The following EEF1AKMT1 variants were observed in gnomAD, a reference collection of about 807,000 sequenced individuals.
The protein encoded by EEF1AKMT1 is N-6 adenine-specific DNA methyltransferase 2 (putative).
EEF1AKMT1 carries 18 observed loss-of-function variants against 21.0 expected under a neutral mutation model. The ratio of observed to expected loss-of-function variants is 0.86; its 90% CI spans 0.59 to 1.27. The LOEUF is 1.27. Ranked by LOEUF, EEF1AKMT1 falls within the 50% of genes most tolerant of loss-of-function variation. The pLI is 0.00. For synonymous variants in EEF1AKMT1, 109 were observed against 94.8 expected (o/e 1.15, Z -0.87); for missense variants, 246 against 258.6 (o/e 0.95, Z 0.33).
At chr13:20,750,390 C>CT (rs1443161674) in intron 2 of EEF1AKMT1, among the ~76,000 whole-genome samples, 2 of 152,138 alleles carry the variant, frequency 1.3e-5, no homozygotes, top group Admixed American at 6.6e-5. Context: ...TCATTCTATT[C>CT]TCTATCTCCA....
intron 3 of EEF1AKMT1, among the ~76,000 whole-genome samples, chr13:20,733,244 C>A (rs146860067): frequency 6.6e-6 from 1 of 151,952 alleles, no homozygotes; most frequent in African/African-American, 2.4e-5. Flanking sequence ...TACAGGCACC[C>A]GCCACCACGC....
At chr13:20,741,065 AGTTT>A (rs745789594) in intron 2 of EEF1AKMT1, among the ~76,000 whole-genome samples, 9 of 151,868 alleles carry the variant, frequency 5.9e-5, no homozygotes, top group Non-Finnish European at 1.2e-4. Flanking sequence ...CAGATTCTCC[AGTTT>A]GTTTAGTGAA....
At chr13:20,733,605 T>G (rs886090659) in intron 3 of EEF1AKMT1, among the ~76,000 whole-genome samples, 6 of 152,190 alleles carry the variant, frequency 3.9e-5, no homozygotes, top group Non-Finnish European at 8.8e-5. Flanking sequence ...CTGAGATCTA[T>G]TCAAGGAACA....
At chr13:20,732,733 A>G (rs2058804487) in intron 3 of EEF1AKMT1, among the ~76,000 whole-genome samples, 1 of 152,224 alleles carries the variant, frequency 6.6e-6, no homozygotes, top group South Asian at 2.1e-4. Context: ...TAGTTAGCCC[A>G]AAGCCTAAAT....
chr13:20,731,478 T>A (rs2058795357), intron 4 of EEF1AKMT1, among the ~76,000 whole-genome samples: 1 of 152,196 alleles, frequency 6.6e-6, no homozygotes, highest in Non-Finnish European at 1.5e-5. Flanking sequence ...ATGTCTACTC[T>A]GTAACCTCAG....
Position 20,731,821 on chromosome 13 carries a change from A to T in EEF1AKMT1, c.508+20T>A, listed in dbSNP as rs1250341356. 6 of 1,598,866 alleles carry T rather than the reference A, an allele frequency of 3.8e-6. No homozygotes were observed. In the African/African-American group the frequency reaches 8.1e-5, roughly 21 times the overall value. ...AGCCACTGTCAGTGACTTTGATGAG[A>T]TATGAAATGCAGCACCTACCTGTGC... On this transcript the variant is annotated intron_variant, in intron 4 of 4. Coordinates refer to ENST00000382758, the MANE Select transcript of EEF1AKMT1 (RefSeq NM_001318939.2).
At chr13:20,748,976 C>G (rs73167418) in intron 2 of EEF1AKMT1, among the ~76,000 whole-genome samples, 1 of 152,092 alleles carries the variant, frequency 6.6e-6, no homozygotes, top group East Asian at 1.9e-4. Flanking sequence ...AGATCTACCC[C>G]GCTAGGCCTC....
At chr13:20,748,726 GTTT>G (rs750094631) in intron 2 of EEF1AKMT1, among the ~76,000 whole-genome samples, 17 of 72,610 alleles carry the variant, frequency 2.3e-4, no homozygotes, top group Admixed American at 9.1e-4. Context: ...TTTTTTTTTG[GTTT>G]TTTTTTTTTT....
intron 1 of EEF1AKMT1, among the ~76,000 whole-genome samples, chr13:20,762,175 CTTTTTTTTT>C (rs57340074): frequency 7.6e-6 from 1 of 131,336 alleles, no homozygotes; most frequent in South Asian, 2.4e-4. Flanking sequence ...TTTCATCAGT[CTTTTTTTTT>C]TTTTTTTTTT....
chr13:20,744,388 G>A (rs550956245), intron 2 of EEF1AKMT1, among the ~76,000 whole-genome samples: 40 of 152,316 alleles, frequency 2.6e-4, no homozygotes, highest in African/African-American at 9.6e-4. Flanking sequence ...ACTGGAGTGA[G>A]ATGGTATCTC....
intron 1 of EEF1AKMT1, among the ~76,000 whole-genome samples, chr13:20,763,313 T>C (rs1306578418): frequency 3.3e-5 from 5 of 152,118 alleles, no homozygotes; most frequent in Non-Finnish European, 5.9e-5. Flanking sequence ...CCCATTTATA[T>C]GTTAAAGCCT....
chr13:20,738,108 T>G (rs750034260), intron 2 of EEF1AKMT1, among the ~76,000 whole-genome samples: 6 of 152,140 alleles, frequency 3.9e-5, no homozygotes, highest in Non-Finnish European at 8.8e-5. Flanking sequence ...CCTACCTTTG[T>G]GTGAGTTTTG....
At chr13:20,737,056 T>TGCAAGC (rs1322827795) in intron 3 of EEF1AKMT1, among the ~76,000 whole-genome samples, 1 of 151,666 alleles carries the variant, frequency 6.6e-6, no homozygotes, top group African/African-American at 2.4e-5. Context: ...TTTATATGCA[T>TGCAAGC]GCAAGGTTCT....
At chr13:20,741,455 ACT>A (rs1491359626) in intron 2 of EEF1AKMT1, among the ~76,000 whole-genome samples, 2 of 120,236 alleles carry the variant, frequency 1.7e-5, no homozygotes, top group Non-Finnish European at 3.5e-5. Context: ...CATTGTAATT[ACT>A]TTTTTTTTTT....
At chr13:20,753,705 T>A (rs924959831) in intron 2 of EEF1AKMT1, among the ~76,000 whole-genome samples, 13 of 152,210 alleles carry the variant, frequency 8.5e-5, no homozygotes, top group African/African-American at 2.7e-4. Context: ...TTACTTAAAA[T>A]CTGCTTTATC....
intron 1 of EEF1AKMT1, among the ~76,000 whole-genome samples, chr13:20,759,305 C>A (rs375953724): frequency 9.2e-5 from 14 of 152,164 alleles, no homozygotes; most frequent in Non-Finnish European, 1.3e-4. Context: ...ATCGGCCGGG[C>A]GCCGTGGCTC....
chr13:20,766,688 G>A (rs943374499), intron 1 of EEF1AKMT1, among the ~76,000 whole-genome samples: 26 of 152,106 alleles, frequency 1.7e-4, no homozygotes, highest in African/African-American at 5.5e-4. Flanking sequence ...CAGGTGTGAT[G>A]GCAGGCGCCT....
In EEF1AKMT1 at chr13:20,757,464, T is replaced by G; in HGVS notation, c.135A>C (p.Glu45Asp). The G allele has an allele frequency of 8.1e-6, 13 of 1,614,114 alleles. No individual in the cohort carries two copies. Among genetic ancestry groups the G allele is most frequent in the Middle Eastern group, 1.7e-4 (1 of 6,060 alleles). Residue 45 changes from glutamate to aspartate, a missense_variant, in exon 2 of 5, where the codon GAA (glutamate) becomes GAC (aspartate). Physicochemically the swap from Glu to Asp is conservative, Grantham distance 45. Coordinates refer to ENST00000382758, the MANE Select transcript of EEF1AKMT1 (RefSeq NM_001318939.2). ...EDDKYNIGIIEENWQLSQFWY... is the reference protein window; with the variant it reads ...EDDKYNIGIIDENWQLSQFWY... ...AAATGCATTTACTTACCCAATTCTC[T>G]TCTATTATTCCAATGTTATATTTAT...
intron 1 of EEF1AKMT1, among the ~76,000 whole-genome samples, chr13:20,758,151 G>A (rs888812443): frequency 2.0e-5 from 3 of 152,090 alleles, no homozygotes. Context: ...TTAAGAGTCT[G>A]GCACCTTTTT....
Sources: gnomAD v4.1 joint callset for allele counts (sites outside exome capture counted in the v4.1 genomes callset) on GRCh38, gnomAD v4.1.1 for gene constraint, MANE v1.5 for transcripts, NCBI Gene and HGNC (gene_info 2026-07-23, HGNC 2026-07-21) for gene names.